The following ELAPOR1 variants were observed in gnomAD, a reference collection of about 807,000 sequenced individuals.
ELAPOR1 encodes endosome/lysosome-associated apoptosis and autophagy regulator 1.
A neutral mutation model predicts 119.7 loss-of-function variants in ELAPOR1; 77 were observed. The ratio of observed to expected loss-of-function variants is 0.64; its 90% CI spans 0.54 to 0.78. The LOEUF is 0.78. Among genes scored for constraint, ELAPOR1 ranks in the 30% least tolerant of loss-of-function variants. The pLI, the probability that ELAPOR1 is intolerant of heterozygous loss-of-function variation, is 0.00. For synonymous variants in ELAPOR1, 481 were observed against 487.2 expected, an observed-to-expected ratio of 0.99 and a Z score of 0.17; for missense variants, 1,115 against 1,270.4, an observed-to-expected ratio of 0.88 and a Z score of 1.86.
chr1:109,155,728 C>T (rs1286959301), intron 1 of ELAPOR1, among the ~76,000 whole-genome samples: 3 of 152,170 alleles, frequency 2.0e-5, no homozygotes, highest in Admixed American at 6.5e-5. Flanking sequence ...AACAAATAAG[C>T]GTGAGGGAAC....
At chr1:109,120,947 TAAA>T (rs889564314) in intron 1 of ELAPOR1, among the ~76,000 whole-genome samples, 5 of 152,338 alleles carry the variant, frequency 3.3e-5, no homozygotes, top group Non-Finnish European at 5.9e-5. Context: ...CATCTTAGGG[TAAA>T]ACAGAAATGT....
intron 1 of ELAPOR1, among the ~76,000 whole-genome samples, chr1:109,134,648 G>T (rs1447132981): frequency 6.6e-6 from 1 of 152,122 alleles, no homozygotes; most frequent in African/African-American, 2.4e-5. Context: ...TGCTTTTGCC[G>T]TTTCTTTCCT....
chr1:109,150,925 G>A (rs1441614008), intron 1 of ELAPOR1, among the ~76,000 whole-genome samples: 1 of 152,100 alleles, frequency 6.6e-6, no homozygotes, highest in Non-Finnish European at 1.5e-5. Flanking sequence ...GTTTTCCTGT[G>A]TAGGGAGGAG....
intron 7 of ELAPOR1, among the ~76,000 whole-genome samples, chr1:109,183,636 C>CCTTCCTTCCTTCCTTT (rs150843023): frequency 7.5e-6 from 1 of 133,898 alleles, no homozygotes; most frequent in African/African-American, 3.0e-5. Context: ...TTCCTTCCTT[C>CCTTCCTTCCTTCCTTT]CTAACAGAGT....
rs1654444907 is a variant in ELAPOR1 at position 109,205,718 on chromosome 1, C to T, written c.*2706C>T. 1 of 152,138 alleles carries T rather than the reference C, an allele frequency of 6.6e-6. No homozygotes were observed. Among genetic ancestry groups the T allele is most frequent in the Non-Finnish European group, 1.5e-5 (1 of 68,018 alleles). 9.4% of individuals were successfully genotyped at this position (152,138 alleles called of 1,614,324 possible). Reference sequence around the variant, plus strand: ...TAGGAAAAATTACATATGTCTTTGACTTCTTTATTCTGACTCCACTGATTT... The same window carrying T: ...TAGGAAAAATTACATATGTCTTTGATTTCTTTATTCTGACTCCACTGATTT... On this transcript the variant is annotated 3_prime_UTR_variant, in exon 22 of 22. Coordinates refer to ENST00000369939, the MANE Select transcript of ELAPOR1 (RefSeq NM_020775.5).
intron 7 of ELAPOR1, among the ~76,000 whole-genome samples, chr1:109,183,471 C>T (rs1179223105): frequency 1.3e-5 from 2 of 151,994 alleles, no homozygotes; most frequent in African/African-American, 4.8e-5. Context: ...AGGGTTAAAG[C>T]AGAGCTAACA....
chr1:109,186,560 TC>T (rs1653057715), intron 8 of ELAPOR1: 1 of 985,484 alleles, frequency 1.0e-6, no homozygotes, highest in East Asian at 1.1e-4. Context: ...TGGGGCATCA[TC>T]CCCTTCTCCA....
chr1:109,155,414 G>A (rs1435084059), intron 1 of ELAPOR1, among the ~76,000 whole-genome samples: 2 of 151,976 alleles, frequency 1.3e-5, no homozygotes, highest in African/African-American at 2.4e-5. Flanking sequence ...TCCTGACCTC[G>A]TGATCCACTC....
chr1:109,203,323 A>C lies in ELAPOR1; in HGVS notation c.*311A>C. 2.9e-6 allele frequency: 1 copy of C among 341,042 alleles called. No individual in the cohort carries two copies. 21.1% of individuals were successfully genotyped at this position (341,042 alleles called of 1,614,324 possible). ...TAATTCTTATAGCTTTGGAATGAAA[A>C]TATTTCTATCTTCTTAAGTATAGAA... On this transcript the variant is annotated 3_prime_UTR_variant, in exon 22 of 22. Transcript: ENST00000369939.
chr1:109,146,458 G>C (rs1044236542), intron 1 of ELAPOR1, among the ~76,000 whole-genome samples: 2 of 152,178 alleles, frequency 1.3e-5, no homozygotes, highest in Non-Finnish European at 2.9e-5. Context: ...GAGTCACTTA[G>C]TGTTACTTCT....
intron 1 of ELAPOR1, among the ~76,000 whole-genome samples, chr1:109,147,901 C>T (rs1418154191): frequency 6.6e-6 from 1 of 151,674 alleles, no homozygotes; most frequent in Non-Finnish European, 1.5e-5. Context: ...ACCATCTCGT[C>T]TCACTGCAAG....
At position 109,197,565 on chromosome 1, in the gene ELAPOR1, T is replaced by A. The variant is rs1277947632; in HGVS notation, c.2213T>A (p.Val738Asp). 10 of 1,614,190 alleles carry A rather than the reference T, an allele frequency of 6.2e-6. No homozygotes were observed. Among genetic ancestry groups the A allele is most frequent in the Non-Finnish European group, 8.5e-6 (10 of 1,180,018 alleles). The change falls in exon 16 of 22, where the codon GTC becomes GAC. Residue 738 changes from valine (V) to aspartate (D), a missense_variant. Val to Asp is a radical substitution (Grantham distance 152). Transcript: ENST00000369939. ...SGFSKSITAY[V>D]CQAVIIPPEV... ...TTCTCCAAATCTATCACAGCCTACG[T>A]CTGCCAGGCAGTCATCATCCCCCCA...
intron 1 of ELAPOR1, among the ~76,000 whole-genome samples, chr1:109,141,516 C>G (rs1481791046): frequency 1.3e-5 from 2 of 152,136 alleles, no homozygotes; most frequent in Non-Finnish European, 2.9e-5. Flanking sequence ...CCGCCTCAGC[C>G]TCCCAAAGTG....
intron 1 of ELAPOR1, among the ~76,000 whole-genome samples, chr1:109,141,147 C>T (rs748562826): frequency 4.6e-5 from 7 of 151,540 alleles, no homozygotes; most frequent in African/African-American, 9.7e-5. Flanking sequence ...CCATCATGCC[C>T]GGCCAAATGC....
chr1:109,168,998 T>C lies in ELAPOR1; in HGVS notation c.468-2868T>C, dbSNP rs147554590. Among the ~76,000 whole-genome samples, 334 of 152,308 alleles carry C rather than the reference T, an allele frequency of 2.2e-3. 3 individuals are homozygous for C. The highest frequency in any genetic ancestry group is 7.5e-3 in the African/African-American group (311 of 41,554). On this transcript the variant is annotated intron_variant, in intron 3 of 21. Coordinates refer to ENST00000369939, the MANE Select transcript of ELAPOR1 (RefSeq NM_020775.5). The stretch of plus-strand genomic sequence containing the variant: ...AACCCACTTATGGCATCTTTTAAAT[T>C]ATTTATTAAACTTCAAGAGTTATTT...
chr1:109,144,061 A>ATATATATATATTTTTTTTTTTTTTTTTT, intron 1 of ELAPOR1, among the ~76,000 whole-genome samples: 1 of 88,992 alleles, frequency 1.1e-5, no homozygotes, highest in African/African-American at 4.8e-5. Context: ...ATATTTATAT[A>ATATATATATATTTTTTTTTTTTTTTTTT]TTTTTTTTTT....
Position 109,203,000 on chromosome 1 carries a change from C to T in ELAPOR1, c.3030C>T (p.Asp1010=), listed in dbSNP as rs764509005. ...TGAAGACATCCTCAGGAGGCCTAGA[C>T]ATGGACCTGTGAGAGGCACTGCCTG... ...VPLKTSSGGL[D]MDL The change falls in exon 22 of 22, where the codon GAC becomes GAT. Residue 1010 remains aspartate, a synonymous_variant. Transcript: ENST00000369939. 3.7e-6 allele frequency: 6 copies of T among 1,611,030 alleles called. No individual in the cohort carries two copies.
intron 7 of ELAPOR1, among the ~76,000 whole-genome samples, chr1:109,174,615 T>G (rs1652149438): frequency 6.6e-6 from 1 of 151,468 alleles, no homozygotes; most frequent in African/African-American, 2.4e-5. Context: ...ACATATATAA[T>G]AAATTATATA....
rs573079919 is a variant in ELAPOR1 at position 109,161,397 on chromosome 1, G to A, written c.154-497G>A. Among the ~76,000 whole-genome samples, 6 of 130,812 alleles carry A rather than the reference G, an allele frequency of 4.6e-5. No individual in the cohort carries two copies. The South Asian group carries it at 9.6e-4, about 21-fold the overall frequency. 85.8% of individuals were successfully genotyped at this position (130,812 alleles called of 152,430 possible). ...TGCACTCCAGCCTGGGCGACAGAGC[G>A]AGACTCCGTCTCAAAAAAAAAAAAA... On this transcript the variant is annotated intron_variant, in intron 1 of 21. Transcript: ENST00000369939.
Sources: gnomAD v4.1 joint callset for allele counts (sites outside exome capture counted in the v4.1 genomes callset) on GRCh38, gnomAD v4.1.1 for gene constraint, MANE v1.5 for transcripts, NCBI Gene and HGNC (gene_info 2026-07-23, HGNC 2026-07-21) for gene names.